Variants in PDE8B observed in about 807,000 individuals in gnomAD.
PDE8B encodes high affinity cAMP-specific and IBMX-insensitive 3',5'-cyclic phosphodiesterase 8B.
In PDE8B, 26 loss-of-function variants were observed where a neutral mutation model predicts 101.3. That is an observed-to-expected ratio of 0.26 (90% CI 0.19 to 0.36). PDE8B has a LOEUF of 0.36. PDE8B is among the 10% of genes least tolerant of loss of function. The probability of loss-of-function intolerance (pLI) is 1.00; values close to 1 mark genes in which losing one functional copy is unlikely to be tolerated. For missense variants in PDE8B, 810 were observed against 1,163.1 expected (o/e 0.70, Z 4.42); for synonymous variants, 424 against 429.3 (o/e 0.99, Z 0.15).
chr5:77,370,306 C>T (rs1003644016), intron 10 of PDE8B, among the ~76,000 whole-genome samples: 9 of 152,178 alleles, frequency 5.9e-5, no homozygotes, highest in African/African-American at 2.2e-4. Flanking sequence ...CTTCCTCTTC[C>T]CAATTAATGT....
the PDE8B span, among the ~76,000 whole-genome samples, chr5:77,121,012 A>T: frequency 6.6e-6 from 1 of 152,224 alleles, no homozygotes; most frequent in Non-Finnish European, 1.5e-5. Flanking sequence ...AAACAAGAGG[A>T]TGGAAAGTGC....
At chr5:77,180,515 G>A in the PDE8B span, 1 of 983,614 alleles carries the variant, frequency 1.0e-6, no homozygotes, top group South Asian at 4.7e-5. Flanking sequence ...GGACCGCGCA[G>A]CCCTCGGCCG....
chr5:77,344,555 A>C (rs1779816828), intron 6 of PDE8B, among the ~76,000 whole-genome samples: 1 of 152,340 alleles, frequency 6.6e-6, no homozygotes, highest in African/African-American at 2.4e-5. Context: ...ATGTCCTCAC[A>C]TGGCAGAAAG....
chr5:77,195,613 T>C, the PDE8B span, among the ~76,000 whole-genome samples: 257 of 152,280 alleles, frequency 1.7e-3, no homozygotes, highest in African/African-American at 5.8e-3. Flanking sequence ...TATATAACTT[T>C]GAACTTCCTA....
chr5:77,403,734 C>G (rs1792804474), intron 11 of PDE8B, among the ~76,000 whole-genome samples: 2 of 151,942 alleles, frequency 1.3e-5, no homozygotes, highest in Non-Finnish European at 2.9e-5. Flanking sequence ...CTATGGTGTT[C>G]AGATTAACTT....
At chr5:77,423,520 C>T (rs1180132502) in intron 20 of PDE8B, among the ~76,000 whole-genome samples, 2 of 151,710 alleles carry the variant, frequency 1.3e-5, no homozygotes, top group Middle Eastern at 3.2e-3. Context: ...ACCTTGCCAA[C>T]ATCTGTTATT....
At chr5:77,348,148 C>T (rs1177630962) in intron 7 of PDE8B, among the ~76,000 whole-genome samples, 1 of 152,206 alleles carries the variant, frequency 6.6e-6, no homozygotes, top group Non-Finnish European at 1.5e-5. Flanking sequence ...CCAAGTGTCC[C>T]TGTGCCACCC....
At chr5:77,197,030 A>G in the PDE8B span, among the ~76,000 whole-genome samples, 1 of 109,124 alleles carries the variant, frequency 9.2e-6, no homozygotes, top group Non-Finnish European at 2.0e-5. Flanking sequence ...TCTTGATAAC[A>G]CTAATTGATG....
chr5:77,099,856 T>C, the PDE8B span, among the ~76,000 whole-genome samples: 1 of 152,136 alleles, frequency 6.6e-6, no homozygotes, highest in East Asian at 1.9e-4. Flanking sequence ...GTGATCCACC[T>C]GCCTCAGCCT....
At chr5:77,290,961 G>T in intron 1 of PDE8B, 1 of 1,611,868 alleles carries the variant, frequency 6.2e-7, no homozygotes, top group Non-Finnish European at 8.5e-7. Flanking sequence ...TACCGGCACA[G>T]CAATGGCCAA....
At chr5:77,385,536 T>C (rs1191349733) in intron 10 of PDE8B, among the ~76,000 whole-genome samples, 1 of 151,936 alleles carries the variant, frequency 6.6e-6, no homozygotes, top group Non-Finnish European at 1.5e-5. Flanking sequence ...ATTTGTTTGC[T>C]CTTCTCTAGT....
the PDE8B span, chr5:77,134,640 G>C: frequency 6.6e-6 from 1 of 152,234 alleles, no homozygotes; most frequent in African/African-American, 2.4e-5. Flanking sequence ...ATGGATCCCA[G>C]GTGATCCCTG....
At chr5:77,217,309 T>C (rs527290179) in intron 1 of PDE8B, among the ~76,000 whole-genome samples, 68 of 152,100 alleles carry the variant, frequency 4.5e-4, no homozygotes, top group Non-Finnish European at 5.9e-4. Context: ...CCATTTTTTT[T>C]CTCAGTTTTT....
At chr5:77,310,735 G>A (rs1344915101) in intron 1 of PDE8B, among the ~76,000 whole-genome samples, 7 of 152,118 alleles carry the variant, frequency 4.6e-5, no homozygotes, top group Non-Finnish European at 1.0e-4. Context: ...TCATTAGAGG[G>A]CTCTTTGAGT....
At chr5:77,140,570 TG>T in the PDE8B span, 1 of 152,318 alleles carries the variant, frequency 6.6e-6, no homozygotes, top group East Asian at 1.9e-4. Context: ...ATTGTTGTGC[TG>T]GACCCCTATT....
upstream of PDE8B, among the ~76,000 whole-genome samples, chr5:77,210,174 A>G (rs1304966344): frequency 6.6e-6 from 1 of 152,164 alleles, no homozygotes; most frequent in Non-Finnish European, 1.5e-5. This position sits in a 1 kb window ranked among gnomAD's most constrained non-coding sequence, Gnocchi z 4.9. Context: ...CGAGAGGCTT[A>G]CACAGCCCTT....
At chr5:77,262,287 C>A (rs1760775883) in intron 1 of PDE8B, among the ~76,000 whole-genome samples, 1 of 152,098 alleles carries the variant, frequency 6.6e-6, no homozygotes. Context: ...AGAAGAGCCT[C>A]TTTATGCTTC....
the PDE8B span, among the ~76,000 whole-genome samples, chr5:77,111,627 A>G: frequency 5.3e-5 from 8 of 152,218 alleles, no homozygotes; most frequent in Non-Finnish European, 1.0e-4. Flanking sequence ...GCTCTTTAAC[A>G]TATTATCTGA....
the PDE8B span, among the ~76,000 whole-genome samples, chr5:77,098,058 A>C: frequency 1.3e-5 from 2 of 151,884 alleles, no homozygotes; most frequent in African/African-American, 4.8e-5. Context: ...TAGGATGCAG[A>C]TAATTTGAGG....
Sources: allele counts gnomAD v4.1 joint callset (sites outside exome capture counted in the v4.1 genomes callset), GRCh38; gene constraint gnomAD v4.1.1; non-coding constraint Gnocchi (gnomAD v3.1); transcripts MANE v1.5; gene names NCBI Gene and HGNC (gene_info 2026-07-23, HGNC 2026-07-21).